KIAA1549: variants seen among roughly 807,000 people sequenced by gnomAD.
KIAA1549 encodes UPF0606 protein KIAA1549.
A neutral mutation model predicts 156.4 loss-of-function variants in KIAA1549; 70 were observed. The observed-to-expected ratio is 0.45, with a 90% CI of 0.37 to 0.55. The LOEUF is 0.55. KIAA1549 is among the 20% of genes least tolerant of loss of function. The pLI, the probability that KIAA1549 is intolerant of heterozygous loss-of-function variation, is 0.00. For missense variants in KIAA1549, 2,428 were observed against 2,540.9 expected, an observed-to-expected ratio of 0.96 and a Z score of 0.96; for synonymous variants, 1,103 against 1,066.4, an observed-to-expected ratio of 1.03 and a Z score of -0.67.
rs924895565 is a variant in KIAA1549 at position 138,835,059 on chromosome 7, G to A, written c.*2847C>T. 1 of 224,256 alleles carries A rather than the reference G, an allele frequency of 4.5e-6. No homozygotes were observed. The highest frequency in any genetic ancestry group is 8.9e-6 in the Non-Finnish European group (1 of 112,626). 13.9% of individuals were successfully genotyped at this position (224,256 alleles called of 1,614,324 possible). ...CTAGAACTTTTAAAATAGGAAAAAAGAATAGACATAAAATTCAACTGTTCA... is the reference window on the plus strand; with the variant it reads ...CTAGAACTTTTAAAATAGGAAAAAAAAATAGACATAAAATTCAACTGTTCA... On this transcript the variant is annotated 3_prime_UTR_variant, in exon 20 of 20. Transcript: ENST00000422774.
intron 9 of KIAA1549, among the ~76,000 whole-genome samples, chr7:138,897,296 C>T (rs1465879339): frequency 6.6e-6 from 1 of 152,134 alleles, no homozygotes; most frequent in Non-Finnish European, 1.5e-5. Flanking sequence ...ACACAAATTG[C>T]CAATGGTTAT....
At chr7:138,916,717 C>T in intron 2 of KIAA1549, 31 bp downstream of exon 2, 1 of 1,610,182 alleles carries the variant, frequency 6.2e-7, no homozygotes, top group East Asian at 2.2e-5. Flanking sequence ...GATTGCCCAC[C>T]CCAGAGAGGC....
chr7:138,881,330 G>A (rs1279341186), intron 11 of KIAA1549, 58 bp downstream of exon 11: 1 of 1,525,848 alleles, frequency 6.6e-7, no homozygotes, highest in African/African-American at 1.4e-5. Context: ...GAAACTCACA[G>A]CCTGATAACA....
intron 13 of KIAA1549, among the ~76,000 whole-genome samples, 181 bp from the exon 14 acceptor site, chr7:138,869,942 C>A (rs981300909): frequency 1.3e-5 from 2 of 152,156 alleles, no homozygotes; most frequent in Non-Finnish European, 2.9e-5. Flanking sequence ...CTCCACTTCC[C>A]GGGTTCAAGT....
At chr7:138,887,987 G>A (rs904562739) in intron 10 of KIAA1549, among the ~76,000 whole-genome samples, 1 of 152,220 alleles carries the variant, frequency 6.6e-6, no homozygotes, top group Non-Finnish European at 1.5e-5. Context: ...ACGGCAGTGA[G>A]AAATGCCAAG....
chr7:138,847,635 ATCT>A (rs1317082771), intron 17 of KIAA1549, among the ~76,000 whole-genome samples: 1 of 152,204 alleles, frequency 6.6e-6, no homozygotes, highest in Non-Finnish European at 1.5e-5. Context: ...ATGCTGTACC[ATCT>A]TAATCACTTG....
intron 1 of KIAA1549, among the ~76,000 whole-genome samples, chr7:138,955,773 A>G (rs1291423534): frequency 6.6e-6 from 1 of 152,246 alleles, no homozygotes; most frequent in Non-Finnish European, 1.5e-5. Context: ...TCTACTAAAT[A>G]TACTTCTGTA....
rs146896923 is a variant in KIAA1549 at position 138,845,471 on chromosome 7, G to T, written c.5295-997C>A. Among the ~76,000 whole-genome samples, 494 of 152,258 alleles carry T rather than the reference G, an allele frequency of 3.2e-3. 1 individual carries two copies. Among genetic ancestry groups the T allele is most frequent in the Non-Finnish European group, 2.5e-3 (171 of 68,022 alleles). Reference sequence around the variant, plus strand: ...TTGCTACCACACAAAAATTCCACAAGTGGTAGTTCCTCAGGGGTCAGTTGC... The same window carrying T: ...TTGCTACCACACAAAAATTCCACAATTGGTAGTTCCTCAGGGGTCAGTTGC... On this transcript the variant is annotated intron_variant, in intron 17 of 19. Transcript: ENST00000422774.
chr7:138,866,566 C>G (rs1040736862), intron 15 of KIAA1549, among the ~76,000 whole-genome samples: 2 of 152,126 alleles, frequency 1.3e-5, no homozygotes, highest in Admixed American at 1.3e-4. Context: ...GCAGGGCTCT[C>G]CTGGTATGGA....
intron 1 of KIAA1549, among the ~76,000 whole-genome samples, chr7:138,960,913 A>G (rs1813826956): frequency 6.6e-6 from 1 of 152,272 alleles, no homozygotes; most frequent in South Asian, 2.1e-4. Context: ...GGGAAATTCT[A>G]AAAGCACTGC....
intron 1 of KIAA1549, among the ~76,000 whole-genome samples, chr7:138,976,562 TTTG>T (rs1233242366): frequency 6.6e-6 from 1 of 152,158 alleles, no homozygotes; most frequent in African/African-American, 2.4e-5. Context: ...ACTGTTCTGT[TTTG>T]TTATTATTGT....
At position 138,832,845 on chromosome 7, in the gene KIAA1549, C is replaced by T. The variant is rs1012846425; in HGVS notation, c.*5061G>A. 4 of 227,298 alleles carry T rather than the reference C, an allele frequency of 1.8e-5. No homozygotes were observed. The highest frequency in any genetic ancestry group is 3.5e-5 in the Non-Finnish European group (4 of 114,546). 14.1% of individuals were successfully genotyped at this position (227,298 alleles called of 1,614,324 possible). On this transcript the variant is annotated 3_prime_UTR_variant, in exon 20 of 20. Coordinates refer to ENST00000422774, the MANE Select transcript of KIAA1549 (RefSeq NM_001164665.2). ...AGTCCTGTTTAAACACTGACAATCACCTCCACGAATATCAAAAGAAACCCG... is the reference window on the plus strand; with the variant it reads ...AGTCCTGTTTAAACACTGACAATCATCTCCACGAATATCAAAAGAAACCCG...
intron 15 of KIAA1549, among the ~76,000 whole-genome samples, chr7:138,864,625 A>G (rs1162250301): frequency 6.6e-6 from 1 of 152,160 alleles, no homozygotes; most frequent in Non-Finnish European, 1.5e-5. Flanking sequence ...TTCACTGTTT[A>G]CGGATTTTGG....
chr7:138,962,279 G>A (rs1017046717), intron 1 of KIAA1549, among the ~76,000 whole-genome samples: 5 of 152,172 alleles, frequency 3.3e-5, no homozygotes, highest in Non-Finnish European at 5.9e-5. Flanking sequence ...GCTTTCTCAA[G>A]TAATTGTATC....
intron 1 of KIAA1549, among the ~76,000 whole-genome samples, chr7:138,956,536 A>G (rs485318): frequency 0.42 from 64,092 of 151,866 alleles, 16,650 homozygotes; most frequent in African/African-American, 0.75. Context: ...GTGGTAGTGA[A>G]TAAGTCTCAC....
At chr7:138,863,452 C>T (rs2130370778) in intron 15 of KIAA1549, among the ~76,000 whole-genome samples, 1 of 152,158 alleles carries the variant, frequency 6.6e-6, no homozygotes, top group East Asian at 1.9e-4. Flanking sequence ...AGTTATTATT[C>T]CTGCCAGCGT....
Position 138,834,627 on chromosome 7 carries a change from A to G in KIAA1549, c.*3279T>C, listed in dbSNP as rs1312191876. 4.3e-6 allele frequency: 1 copy of G among 231,828 alleles called. No individual in the cohort carries two copies. The highest frequency in any genetic ancestry group is 6.1e-5 in the East Asian group (1 of 16,420). The allele number at this position is 231,828 out of a possible 1,614,324, so 14.4% of individuals were successfully genotyped here. A position where few individuals can be genotyped will look rare whatever the true frequency, so the allele number is the denominator to read the frequency against. On this transcript the variant is annotated 3_prime_UTR_variant, in exon 20 of 20. Coordinates refer to ENST00000422774, the MANE Select transcript of KIAA1549 (RefSeq NM_001164665.2). ...AGCAGAAAGATGCTTAATAAATGCA[A>G]TCGGAAAATTGGTGAAGGAAGTGAA...
intron 10 of KIAA1549, 37 bp from the exon 11 acceptor site, chr7:138,881,621 C>T (rs756705557): frequency 3.8e-6 from 6 of 1,575,474 alleles, no homozygotes; most frequent in Admixed American, 3.5e-5. Context: ...ATTGTTAACC[C>T]GGAATCCAAG....
At chr7:138,927,861 A>C (rs1223810004) in intron 1 of KIAA1549, among the ~76,000 whole-genome samples, 1 of 151,714 alleles carries the variant, frequency 6.6e-6, no homozygotes. Flanking sequence ...CCTGATTAAA[A>C]TAGATGGATC....
Sources: gnomAD v4.1 joint callset for allele counts (sites outside exome capture counted in the v4.1 genomes callset) on GRCh38, gnomAD v4.1.1 for gene constraint, MANE v1.5 for transcripts, NCBI Gene and HGNC (gene_info 2026-07-23, HGNC 2026-07-21) for gene names.